Variants in CSMD2 observed in about 807,000 individuals in gnomAD.
CSMD2 encodes the protein CUB and sushi domain-containing protein 2.
Under a neutral mutation model 398.5 loss-of-function variants are expected in CSMD2, and 130 were observed. The ratio of observed to expected loss-of-function variants is 0.33; its 90% CI spans 0.28 to 0.38. CSMD2 has a LOEUF of 0.38. Ranked by LOEUF, CSMD2 falls within the 10% of genes least tolerant of loss-of-function variation. CSMD2 has a pLI of 1.00. For missense variants in CSMD2, 3,829 were observed against 4,764.9 expected (o/e 0.80, Z 5.78); for synonymous variants, 1,828 against 1,908.5 (o/e 0.96, Z 1.10).
chr1:33,999,880 A>G (rs1646846814), intron 3 of CSMD2, among the ~76,000 whole-genome samples: 1 of 152,244 alleles, frequency 6.6e-6, no homozygotes, highest in Admixed American at 6.5e-5. Flanking sequence ...ATTTTAGTAA[A>G]TGTTACTATA....
chr1:34,040,557 T>G (rs1570909819), intron 2 of CSMD2, among the ~76,000 whole-genome samples: 1 of 152,328 alleles, frequency 6.6e-6, no homozygotes, highest in South Asian at 2.1e-4. Flanking sequence ...GCATGTGTAT[T>G]TCTAAATGAA....
chr1:33,772,458 CTGT>C, intron 13 of CSMD2, 108 bp downstream of exon 13: 1 of 878,650 alleles, frequency 1.1e-6, no homozygotes, highest in South Asian at 1.6e-5. Flanking sequence ...CAGAGTGCAG[CTGT>C]TGTTACAACC....
intron 3 of CSMD2, among the ~76,000 whole-genome samples, chr1:33,975,487 A>G (rs948343069): frequency 3.4e-5 from 1 of 29,348 alleles, no homozygotes; most frequent in Non-Finnish European, 5.3e-5. Context: ...TCCCAAGTGT[A>G]CACACACACA....
intron 56 of CSMD2, 121 bp downstream of exon 56, chr1:33,550,056 T>C: frequency 2.1e-6 from 2 of 971,480 alleles, no homozygotes; most frequent in Non-Finnish European, 3.1e-6. Context: ...AGGGTAGATA[T>C]AAGGGTTCTG....
chr1:33,605,364 C>G lies in CSMD2; in HGVS notation c.6450G>C (p.Gly2150=). 6.2e-7 allele frequency: 1 copy of G among 1,614,164 alleles called. No individual in the cohort carries two copies. Residue 2150 remains glycine (G), a synonymous_variant, in exon 42 of 71, where the codon GGG becomes GGC. Transcript: ENST00000373381. ...GQSVTFECLP[G]YQLTGHPVLT... Reference sequence around the variant, plus strand: ...GGACAGGGTGGCCAGTCAATTGATACCCCGGGAGGCACTCGAAGGTCACTG... The same window carrying G: ...GGACAGGGTGGCCAGTCAATTGATAGCCCGGGAGGCACTCGAAGGTCACTG...
chr1:33,547,949 G>A (rs1657064718), intron 56 of CSMD2, among the ~76,000 whole-genome samples: 1 of 152,258 alleles, frequency 6.6e-6, no homozygotes, highest in Admixed American at 6.5e-5. Context: ...GACCTGGTGA[G>A]AGGTGATTGG....
intron 29 of CSMD2, among the ~76,000 whole-genome samples, chr1:33,644,717 ATGG>A (rs1643315663): frequency 6.6e-6 from 1 of 152,118 alleles, no homozygotes; most frequent in Non-Finnish European, 1.5e-5. Flanking sequence ...GGCAGTGGGG[ATGG>A]TGGTGGTGGG....
At chr1:33,757,879 T>C (rs1649260597) in intron 13 of CSMD2, among the ~76,000 whole-genome samples, 1 of 152,192 alleles carries the variant, frequency 6.6e-6, no homozygotes, top group Admixed American at 6.5e-5. Flanking sequence ...CCCTATTAAG[T>C]GGAGGCCCTC....
chr1:33,639,323 G>A (rs1557660894), intron 29 of CSMD2, among the ~76,000 whole-genome samples: 1 of 152,172 alleles, frequency 6.6e-6, no homozygotes. Context: ...CTGTGTTTTT[G>A]GGTAACTGCT....
intron 44 of CSMD2, among the ~76,000 whole-genome samples, chr1:33,597,496 C>T (rs1372471448): frequency 6.6e-6 from 1 of 152,212 alleles, no homozygotes; most frequent in Non-Finnish European, 1.5e-5. Context: ...GAAGCATGAA[C>T]ACTCAGTAAC....
At chr1:33,825,629 G>A (rs959438127) in intron 7 of CSMD2, 68 bp downstream of exon 7, 17 of 1,362,926 alleles carry the variant, frequency 1.2e-5, no homozygotes, top group South Asian at 2.4e-5. Flanking sequence ...GCTTCCCCAC[G>A]GTTTAGTGCC....
intron 3 of CSMD2, among the ~76,000 whole-genome samples, chr1:34,015,360 G>A (rs1467618053): frequency 6.6e-6 from 1 of 152,166 alleles, no homozygotes; most frequent in Non-Finnish European, 1.5e-5. Context: ...ACAGTGAGTG[G>A]TAGATTAACC....
At chr1:33,830,923 C>G (rs369120307) in intron 6 of CSMD2, among the ~76,000 whole-genome samples, 7 of 151,962 alleles carry the variant, frequency 4.6e-5, no homozygotes, top group African/African-American at 7.3e-5. Flanking sequence ...GATGGAAGAT[C>G]AAATGAATGA....
At chr1:33,638,616 A>G (rs1025399812) in intron 29 of CSMD2, among the ~76,000 whole-genome samples, 1 of 152,206 alleles carries the variant, frequency 6.6e-6, no homozygotes, top group African/African-American at 2.4e-5. Flanking sequence ...AAATCCTTAC[A>G]GGCCTTCAAG....
intron 3 of CSMD2, among the ~76,000 whole-genome samples, chr1:33,951,864 T>C (rs1224251504): frequency 1.3e-5 from 2 of 152,244 alleles, no homozygotes; most frequent in Non-Finnish European, 2.9e-5. Context: ...TGATCTCTCC[T>C]TTGTGCCCTT....
At chr1:33,972,604 G>A (rs561390287) in intron 3 of CSMD2, among the ~76,000 whole-genome samples, 1 of 152,118 alleles carries the variant, frequency 6.6e-6, no homozygotes, top group Non-Finnish European at 1.5e-5. Flanking sequence ...TCAGAGTGAC[G>A]GGAGGACGGG....
intron 1 of CSMD2, among the ~76,000 whole-genome samples, chr1:34,111,235 A>G (rs1290820774): frequency 1.3e-5 from 2 of 152,208 alleles, no homozygotes; most frequent in Non-Finnish European, 1.5e-5. Flanking sequence ...TACAATTCAT[A>G]TGGACCCAAC....
At chr1:33,833,789 G>C (rs901865902) in intron 6 of CSMD2, among the ~76,000 whole-genome samples, 2 of 152,126 alleles carry the variant, frequency 1.3e-5, no homozygotes, top group African/African-American at 2.4e-5. Flanking sequence ...AAGCTGATAA[G>C]GAACTTCAGC....
At chr1:33,647,102 T>C (rs1448930498) in intron 28 of CSMD2, among the ~76,000 whole-genome samples, 5 of 152,104 alleles carry the variant, frequency 3.3e-5, no homozygotes, top group Non-Finnish European at 7.4e-5. Flanking sequence ...AAACCTAACG[T>C]CCTCCTTATA....
Sources: gnomAD v4.1 joint callset for allele counts (sites outside exome capture counted in the v4.1 genomes callset) on GRCh38, gnomAD v4.1.1 for gene constraint, MANE v1.5 for transcripts, NCBI Gene and HGNC (gene_info 2026-07-23, HGNC 2026-07-21) for gene names.